UNC5D: variants seen among roughly 807,000 people sequenced by gnomAD.
UNC5D encodes the protein netrin receptor UNC5D.
Under a neutral mutation model 105.4 loss-of-function variants are expected in UNC5D, and 39 were observed. The observed-to-expected ratio is 0.37, with a 90% CI of 0.29 to 0.48. The LOEUF (loss-of-function observed/expected upper bound fraction) is 0.48. Among genes scored for constraint, UNC5D ranks in the 20% least tolerant of loss-of-function variants. The pLI, the probability that UNC5D is intolerant of heterozygous loss-of-function variation, is 0.98. For synonymous variants in UNC5D, 452 were observed against 450.4 expected (o/e 1.00, Z -0.04); for missense variants, 991 against 1,202.4 (o/e 0.82, Z 2.60).
chr8:35,750,464 T>C, intron 12 of UNC5D, 118 bp from the exon 13 acceptor site: 1 of 1,014,144 alleles, frequency 9.9e-7, no homozygotes, highest in South Asian at 1.5e-5. Context: ...AATTGGGCAA[T>C]AGGACTATTC....
chr8:35,508,561 G>C (rs960611187), intron 1 of UNC5D, among the ~76,000 whole-genome samples: 1 of 152,164 alleles, frequency 6.6e-6, no homozygotes, highest in South Asian at 2.1e-4. Context: ...CCTCTAAAAA[G>C]ACAAATTGTA....
At chr8:35,298,687 TAG>T (rs1807693496) in intron 1 of UNC5D, among the ~76,000 whole-genome samples, 1 of 147,364 alleles carries the variant, frequency 6.8e-6, no homozygotes, top group Non-Finnish European at 1.5e-5. Flanking sequence ...TCAATAGCAG[TAG>T]AGTTGCACAA....
chr8:35,784,559 G>T (rs1419883798), intron 16 of UNC5D, among the ~76,000 whole-genome samples: 2 of 152,080 alleles, frequency 1.3e-5, no homozygotes, highest in Admixed American at 1.3e-4. Flanking sequence ...ACCAGCCTGT[G>T]CAACATGGCG....
chr8:35,706,055 T>C (rs1228218900), intron 8 of UNC5D, 94 bp downstream of exon 8: 4 of 846,058 alleles, frequency 4.7e-6, no homozygotes, highest in Non-Finnish European at 7.0e-6. Context: ...TTGAAGTTCC[T>C]ATGAAAGATC....
intron 2 of UNC5D, among the ~76,000 whole-genome samples, chr8:35,564,143 C>T (rs1163728338): frequency 6.9e-6 from 1 of 144,420 alleles, no homozygotes; most frequent in Non-Finnish European, 1.5e-5. Flanking sequence ...AGTATTCTCT[C>T]CTCTTCAATT....
intron 15 of UNC5D, among the ~76,000 whole-genome samples, chr8:35,770,218 ACATT>A (rs1358060273): frequency 6.6e-6 from 1 of 152,172 alleles, no homozygotes; most frequent in Non-Finnish European, 1.5e-5. Flanking sequence ...TATATAATTA[ACATT>A]TTATATAGGA....
Position 35,235,903 on chromosome 8 carries a change from A to AGCGG in UNC5D, c.103+19_103+22dup. The AGCGG allele has an allele frequency of 8.3e-7, 1 of 1,199,810 alleles. No individual in the cohort carries two copies. The highest frequency in any genetic ancestry group is 1.0e-6 in the Non-Finnish European group (1 of 972,626). The allele number at this position is 1,199,810 out of a possible 1,614,324, so 74.3% of individuals were successfully genotyped here. A position where few individuals can be genotyped will look rare whatever the true frequency, so the allele number is the denominator to read the frequency against. ...GCTGCCCGAGGTAAGCGCTGGGCGGAGCGGGCAGCTGGGGGCGAGGGCGCA... is the reference window on the plus strand; with the variant it reads ...GCTGCCCGAGGTAAGCGCTGGGCGGAGCGGGCGGGCAGCTGGGGGCGAGGGCGCA... On this transcript the variant is annotated intron_variant, in intron 1 of 16. Transcript: ENST00000404895.
At chr8:35,452,087 G>A (rs1210899099) in intron 1 of UNC5D, among the ~76,000 whole-genome samples, 1 of 152,096 alleles carries the variant, frequency 6.6e-6, no homozygotes, top group East Asian at 1.9e-4. Flanking sequence ...ATCCACTTCA[G>A]AATGCAGTGC....
At chr8:35,366,949 C>T (rs1802154928) in intron 1 of UNC5D, among the ~76,000 whole-genome samples, 1 of 152,118 alleles carries the variant, frequency 6.6e-6, no homozygotes, top group African/African-American at 2.4e-5. Context: ...TCTACAACTC[C>T]AAGTGGGATA....
chr8:35,422,713 C>T lies in UNC5D; in HGVS notation c.104-126579C>T, dbSNP rs527800487. 7.9e-5 allele frequency among the ~76,000 whole-genome samples: 12 copies of T among 152,138 alleles called. No individual in the cohort carries two copies. The East Asian group carries it at 1.7e-3, about 22-fold the overall frequency. ...TAGTAATGGAGAAAAGGACTATTAT[C>T]GTTTATTGAATACCTACTATGTGCC... On this transcript the variant is annotated intron_variant, in intron 1 of 16. Coordinates refer to ENST00000404895, the MANE Select transcript of UNC5D (RefSeq NM_080872.4).
chr8:35,330,660 G>A (rs990336318), intron 1 of UNC5D, among the ~76,000 whole-genome samples: 1 of 152,138 alleles, frequency 6.6e-6, no homozygotes, highest in African/African-American at 2.4e-5. Flanking sequence ...TTCTAACCTT[G>A]AGTTTGGAAA....
rs1211271995 is a variant in UNC5D, at chr8:35,434,449, AGAAATAATCT to A, written c.104-114841_104-114832del. ...TATTTTAAGTAATAACTATGTTAACAGAAATAATCTGTTTTTAAACTTCTCACCTGGAAAT... is the reference window on the plus strand; with the variant it reads ...TATTTTAAGTAATAACTATGTTAACAGTTTTTAAACTTCTCACCTGGAAAT... On this transcript the variant is annotated intron_variant, in intron 1 of 16. Coordinates refer to ENST00000404895, the MANE Select transcript of UNC5D (RefSeq NM_080872.4). Among the ~76,000 whole-genome samples the A allele has an allele frequency of 5.3e-5, 8 of 152,220 alleles. No individual in the cohort carries two copies. In the East Asian group the frequency reaches 1.5e-3, roughly 29 times the overall value.
intron 16 of UNC5D, among the ~76,000 whole-genome samples, chr8:35,780,453 G>A (rs1053215425): frequency 5.3e-5 from 8 of 152,216 alleles, no homozygotes; most frequent in Non-Finnish European, 5.9e-5. Flanking sequence ...ATGGCCAGAG[G>A]GCCGAGGAAA....
intron 16 of UNC5D, among the ~76,000 whole-genome samples, chr8:35,781,637 G>A (rs1454234097): frequency 6.6e-6 from 1 of 152,186 alleles, no homozygotes; most frequent in African/African-American, 2.4e-5. Context: ...AAAATCCTAG[G>A]AATGATTGTA....
At chr8:35,558,833 A>T (rs1816731224) in intron 2 of UNC5D, among the ~76,000 whole-genome samples, 1 of 152,064 alleles carries the variant, frequency 6.6e-6, no homozygotes, top group South Asian at 2.1e-4. Context: ...AAACACAAAA[A>T]TTAGGTGGTC....
At chr8:35,433,211 G>A (rs1806772274) in intron 1 of UNC5D, among the ~76,000 whole-genome samples, 1 of 152,170 alleles carries the variant, frequency 6.6e-6, no homozygotes, top group African/African-American at 2.4e-5. Flanking sequence ...GTAGTTGGAT[G>A]ACCTAATGAA....
chr8:35,427,424 C>T (rs7008607), intron 1 of UNC5D, among the ~76,000 whole-genome samples: 2,162 of 152,238 alleles, frequency 0.014, 61 homozygotes, highest in African/African-American at 0.049. Context: ...TTCAGACTGC[C>T]GCTGTATGAA....
chr8:35,679,425 A>T (rs946504158), intron 4 of UNC5D, among the ~76,000 whole-genome samples: 2 of 152,136 alleles, frequency 1.3e-5, no homozygotes, highest in African/African-American at 2.4e-5. Flanking sequence ...CCTATGGGAA[A>T]GTTCTTCAGG....
intron 3 of UNC5D, among the ~76,000 whole-genome samples, chr8:35,573,993 G>T (rs74442995): frequency 0.012 from 1,805 of 152,202 alleles, 18 homozygotes; most frequent in Non-Finnish European, 0.015. Context: ...AACTCCCACG[G>T]GCCTCCTCTC....
Sources: allele counts gnomAD v4.1 joint callset (sites outside exome capture counted in the v4.1 genomes callset), GRCh38; gene constraint gnomAD v4.1.1; transcripts MANE v1.5; gene names NCBI Gene and HGNC (gene_info 2026-07-23, HGNC 2026-07-21).